GALNT7: variants seen among roughly 807,000 people sequenced by gnomAD.
The protein encoded by GALNT7 is polypeptide N-acetylgalactosaminyltransferase 7.
Under a neutral mutation model 82.1 loss-of-function variants are expected in GALNT7, and 60 were observed. The ratio of observed to expected loss-of-function variants is 0.73; its 90% CI spans 0.59 to 0.91. GALNT7 has a LOEUF of 0.91. Ranked by LOEUF, GALNT7 falls within the 40% of genes least tolerant of loss-of-function variation. GALNT7 has a pLI of 0.00. For synonymous variants in GALNT7, 243 were observed against 275.1 expected (o/e 0.88, Z 1.15); for missense variants, 660 against 804.2 (o/e 0.82, Z 2.17).
At chr4:173,295,916 A>G (rs1201436788) in intron 5 of GALNT7, 73 bp downstream of exon 5, 12 of 853,306 alleles carry the variant, frequency 1.4e-5, no homozygotes, top group Non-Finnish European at 2.5e-5. Context: ...TAATATTTTC[A>G]TCCTTTGATT....
chr4:173,284,501 T>C (rs1736239895), intron 2 of GALNT7, among the ~76,000 whole-genome samples: 1 of 152,192 alleles, frequency 6.6e-6, no homozygotes, highest in East Asian at 1.9e-4. Flanking sequence ...GGCAATCCCA[T>C]GTACCTAAAC....
At chr4:173,259,540 T>G (rs1475305113) in intron 2 of GALNT7, among the ~76,000 whole-genome samples, 3 of 152,166 alleles carry the variant, frequency 2.0e-5, no homozygotes, top group African/African-American at 7.2e-5. Flanking sequence ...GTTTCAGAAT[T>G]TGGTGTATAT....
intron 1 of GALNT7, among the ~76,000 whole-genome samples, chr4:173,232,381 T>C (rs1262908222): frequency 6.6e-6 from 1 of 152,142 alleles, no homozygotes; most frequent in Non-Finnish European, 1.5e-5. Context: ...TTTTGATACA[T>C]GCATACAGTG....
At chr4:173,288,200 G>T (rs978281137) in intron 2 of GALNT7, among the ~76,000 whole-genome samples, 1 of 147,252 alleles carries the variant, frequency 6.8e-6, no homozygotes. Flanking sequence ...GGAGAATGGC[G>T]TGAACCCGGG....
intron 1 of GALNT7, among the ~76,000 whole-genome samples, chr4:173,178,057 G>GCGCGCA (rs771243664): frequency 7.9e-5 from 11 of 139,946 alleles, no homozygotes; most frequent in African/African-American, 2.7e-4. Context: ...GTGTGTGCGC[G>GCGCGCA]CACGCGCGTG....
intron 2 of GALNT7, among the ~76,000 whole-genome samples, chr4:173,279,327 A>G (rs1736026282): frequency 6.6e-6 from 1 of 152,078 alleles, no homozygotes; most frequent in Non-Finnish European, 1.5e-5. Flanking sequence ...ATCTCACCAG[A>G]ACTCACTGTT....
chr4:173,226,612 T>G lies in GALNT7; in HGVS notation c.127-21368T>G, dbSNP rs78130701. Among the ~76,000 whole-genome samples, 869 of 152,306 alleles carry G rather than the reference T, an allele frequency of 5.7e-3. 6 individuals carry two copies. Among genetic ancestry groups the G allele is most frequent in the African/African-American group, 0.02 (831 of 41,566 alleles). On this transcript the variant is annotated intron_variant, in intron 1 of 11. Coordinates refer to ENST00000265000, the MANE Select transcript of GALNT7 (RefSeq NM_017423.3). ...GTGATTTTCTGGTGGAGAAAATTAC[T>G]CACTCTCAGCTTGCTGGCTGACTGT...
At chr4:173,219,663 T>A (rs924142524) in intron 1 of GALNT7, among the ~76,000 whole-genome samples, 1 of 152,198 alleles carries the variant, frequency 6.6e-6, no homozygotes, top group African/African-American at 2.4e-5. Flanking sequence ...TATTATTGTT[T>A]GATTTTTTTG....
At chr4:173,219,142 C>CA (rs1733560808) in intron 1 of GALNT7, among the ~76,000 whole-genome samples, 1 of 152,002 alleles carries the variant, frequency 6.6e-6, no homozygotes, top group Non-Finnish European at 1.5e-5. Flanking sequence ...CAGTCTTTCC[C>CA]GAGTCCCCAA....
chr4:173,277,366 T>A (rs746000408), intron 2 of GALNT7, among the ~76,000 whole-genome samples: 5 of 152,206 alleles, frequency 3.3e-5, no homozygotes, highest in Non-Finnish European at 7.3e-5. Context: ...AGTTCATGAA[T>A]TCTCATCTCT....
Position 173,233,204 on chromosome 4 carries a change from G to A in GALNT7, c.127-14776G>A, listed in dbSNP as rs115782912. Among the ~76,000 whole-genome samples, 1,213 of 152,294 alleles carry A rather than the reference G, an allele frequency of 8.0e-3. 20 individuals are homozygous for A. Among genetic ancestry groups the A allele is most frequent in the African/African-American group, 0.027 (1,129 of 41,538 alleles). ...ATAGTGCTTCAGTCAACATGACAGT[G>A]CAGGTATCCTTTGATATATTAATTT... On this transcript the variant is annotated intron_variant, in intron 1 of 11. Coordinates refer to ENST00000265000, the MANE Select transcript of GALNT7 (RefSeq NM_017423.3).
At chr4:173,184,335 G>A (rs967928940) in intron 1 of GALNT7, among the ~76,000 whole-genome samples, 6 of 152,112 alleles carry the variant, frequency 3.9e-5, no homozygotes, top group African/African-American at 7.2e-5. Flanking sequence ...GCGAGACTCC[G>A]TCTGCAATCC....
chr4:173,236,122 T>C (rs1323336013), intron 1 of GALNT7, among the ~76,000 whole-genome samples: 2 of 152,186 alleles, frequency 1.3e-5, no homozygotes, highest in Non-Finnish European at 2.9e-5. Flanking sequence ...TTGTGTGCTC[T>C]AGAAGGTAGA....
At chr4:173,231,356 G>C (rs1040801262) in intron 1 of GALNT7, among the ~76,000 whole-genome samples, 1 of 152,106 alleles carries the variant, frequency 6.6e-6, no homozygotes, top group African/African-American at 2.4e-5. Context: ...TGTTTTAAAG[G>C]CCCCTCGAGT....
intron 1 of GALNT7, among the ~76,000 whole-genome samples, chr4:173,232,168 G>A (rs1308740379): frequency 2.6e-5 from 4 of 152,006 alleles, no homozygotes; most frequent in South Asian, 2.1e-4. Flanking sequence ...CTGAAGGGAC[G>A]TGACTGACTA....
chr4:173,220,252 T>C (rs1180203351), intron 1 of GALNT7, among the ~76,000 whole-genome samples: 2 of 152,204 alleles, frequency 1.3e-5, no homozygotes, highest in East Asian at 3.8e-4. Flanking sequence ...TACAGTGTCC[T>C]TTCCCCACTT....
At position 173,314,029 on chromosome 4, in the gene GALNT7, G is replaced by T. The variant is rs61741158; in HGVS notation, c.1461G>T (p.Ser487=). Reference sequence around the variant, plus strand: ...ACTTCTATGCTAGTCGTCCTGAATCGCAGGCATTACCATATGGGGATATAT... The same window carrying T: ...ACTTCTATGCTAGTCGTCCTGAATCTCAGGCATTACCATATGGGGATATAT... ...KDYFYASRPE[S]QALPYGDISE... is the part of the protein sequence containing the mutation. Residue 487 remains serine, a synonymous_variant, in exon 9 of 12, where the codon TCG becomes TCT. Coordinates refer to ENST00000265000, the MANE Select transcript of GALNT7 (RefSeq NM_017423.3). 2.7e-3 allele frequency: 4,269 copies of T among 1,609,746 alleles called. 116 individuals carry two copies. The African/African-American group carries it at 0.048, about 18-fold the overall frequency.
At chr4:173,294,366 T>C (rs950509328) in intron 3 of GALNT7, among the ~76,000 whole-genome samples, 1 of 152,052 alleles carries the variant, frequency 6.6e-6, no homozygotes, top group Admixed American at 6.5e-5. Flanking sequence ...ATAATACTTA[T>C]TAAAACTGGG....
intron 2 of GALNT7, among the ~76,000 whole-genome samples, chr4:173,281,161 G>A (rs981054670): frequency 2.0e-5 from 3 of 152,102 alleles, no homozygotes; most frequent in Non-Finnish European, 4.4e-5. Flanking sequence ...TGTTTTAGAT[G>A]GTTCTGGCCT....
Sources: allele counts gnomAD v4.1 joint callset (sites outside exome capture counted in the v4.1 genomes callset), GRCh38; gene constraint gnomAD v4.1.1; transcripts MANE v1.5; gene names NCBI Gene and HGNC (gene_info 2026-07-23, HGNC 2026-07-21).